The following DTNB variants were observed in gnomAD, a reference collection of about 807,000 sequenced individuals.
DTNB encodes DTN-B.
DTNB carries 63 observed loss-of-function variants against 90.7 expected under a neutral mutation model. The ratio of observed to expected loss-of-function variants is 0.69; its 90% CI spans 0.57 to 0.86. The LOEUF (loss-of-function observed/expected upper bound fraction) is 0.86. Among genes scored for constraint, DTNB ranks in the 40% least tolerant of loss-of-function variants. DTNB has a pLI of 0.00. For missense variants in DTNB, 744 were observed against 807.1 expected, an observed-to-expected ratio of 0.92 and a Z score of 0.95; for synonymous variants, 277 against 286.7, an observed-to-expected ratio of 0.97 and a Z score of 0.34.
chr2:25,383,778 C>T (rs1189935368), intron 19 of DTNB, 58 bp downstream of exon 19: 1 of 1,613,820 alleles, frequency 6.2e-7, no homozygotes, highest in East Asian at 2.2e-5. Context: ...TGGGGGGCGG[C>T]TGATCCATGA....
intron 15 of DTNB, among the ~76,000 whole-genome samples, chr2:25,420,436 A>G (rs1373272525): frequency 6.6e-6 from 1 of 151,958 alleles, no homozygotes; most frequent in African/African-American, 2.4e-5. Context: ...AAAGCACTGG[A>G]AACAAAGAAA....
At chr2:25,413,226 A>T (rs916294877) in intron 16 of DTNB, among the ~76,000 whole-genome samples, 2 of 151,926 alleles carry the variant, frequency 1.3e-5, no homozygotes, top group African/African-American at 4.8e-5. Flanking sequence ...ATTCCTTTTT[A>T]AAAAAATTAT....
chr2:25,387,174 G>T lies in DTNB; in HGVS notation c.1825+115C>A. The T allele has an allele frequency of 2.2e-6, 2 of 926,404 alleles. No homozygotes were observed. Among genetic ancestry groups the T allele is most frequent in the Non-Finnish European group, 3.3e-6 (2 of 612,108 alleles). The allele number at this position is 926,404 out of a possible 1,614,324, so 57.4% of individuals were successfully genotyped here. On this transcript the variant is annotated intron_variant, in intron 18 of 20. Coordinates refer to ENST00000406818, the MANE Select transcript of DTNB (RefSeq NM_021907.5). This position sits in a 1 kb window ranked among gnomAD's most constrained non-coding sequence, Gnocchi z 4.5. ...TTCCTAGAAGGCAAAGTTAGGTGATGAAATGGGGTGGTGCAAGCTGGGTGG... is the reference window on the plus strand; with the variant it reads ...TTCCTAGAAGGCAAAGTTAGGTGATTAAATGGGGTGGTGCAAGCTGGGTGG...
chr2:25,591,305 A>G (rs1573051433), intron 6 of DTNB, among the ~76,000 whole-genome samples: 1 of 152,176 alleles, frequency 6.6e-6, no homozygotes, highest in East Asian at 1.9e-4. Context: ...CACCCTGTCA[A>G]CTGAGAATAG....
intron 9 of DTNB, among the ~76,000 whole-genome samples, chr2:25,525,501 T>C (rs2076924600): frequency 6.6e-6 from 1 of 151,932 alleles, no homozygotes; most frequent in Non-Finnish European, 1.5e-5. Context: ...CTGGGGGTGG[T>C]GGCACATGCC....
chr2:25,617,908 G>T (rs1438475493), intron 4 of DTNB, among the ~76,000 whole-genome samples: 1 of 152,092 alleles, frequency 6.6e-6, no homozygotes, highest in African/African-American at 2.4e-5. Flanking sequence ...ACTTATTAAA[G>T]ATACCTACTT....
At chr2:25,630,516 C>T (rs1166129954) in intron 3 of DTNB, among the ~76,000 whole-genome samples, 1 of 152,106 alleles carries the variant, frequency 6.6e-6, no homozygotes, top group Non-Finnish European at 1.5e-5. Context: ...GTGGCATATG[C>T]ATATAATGGA....
chr2:25,609,511 T>C (rs979560980), intron 4 of DTNB, among the ~76,000 whole-genome samples: 2 of 150,996 alleles, frequency 1.3e-5, no homozygotes, highest in African/African-American at 4.9e-5. Flanking sequence ...GGCAGGAAAA[T>C]TGCTTGAACC....
At chr2:25,386,754 G>A (rs1558295310) in intron 18 of DTNB, among the ~76,000 whole-genome samples, 2 of 152,220 alleles carry the variant, frequency 1.3e-5, no homozygotes, top group East Asian at 1.9e-4. Flanking sequence ...AACACAAGGA[G>A]CAGAAGAGGC....
intron 3 of DTNB, among the ~76,000 whole-genome samples, chr2:25,636,732 T>C (rs915441324): frequency 1.3e-5 from 2 of 152,160 alleles, no homozygotes; most frequent in African/African-American, 2.4e-5. Context: ...TAAGTTGCAT[T>C]CTAATATTTT....
At chr2:25,405,738 T>C (rs982536509) in intron 16 of DTNB, among the ~76,000 whole-genome samples, 2 of 152,126 alleles carry the variant, frequency 1.3e-5, no homozygotes, top group Non-Finnish European at 2.9e-5. Flanking sequence ...TACTGTCTAA[T>C]CTTTTAAGAA....
chr2:25,489,973 GA>G (rs2067016711), intron 9 of DTNB, among the ~76,000 whole-genome samples: 1 of 152,112 alleles, frequency 6.6e-6, no homozygotes, highest in South Asian at 2.1e-4. Context: ...TGACTCAAAA[GA>G]AATTTAATTA....
At chr2:25,586,774 C>G (rs1002611811) in intron 6 of DTNB, among the ~76,000 whole-genome samples, 74 of 152,062 alleles carry the variant, frequency 4.9e-4, no homozygotes, top group African/African-American at 1.7e-3. Context: ...GGAGGAGAGA[C>G]AGAAAGTCAG....
chr2:25,535,606 G>A (rs1272524710), intron 8 of DTNB, among the ~76,000 whole-genome samples: 10 of 144,184 alleles, frequency 6.9e-5, no homozygotes, highest in South Asian at 2.2e-4. Flanking sequence ...CTTCCTAGAC[G>A]GGGTGGCAGC....
At chr2:25,553,284 G>C (rs1184898238) in intron 8 of DTNB, among the ~76,000 whole-genome samples, 1 of 152,044 alleles carries the variant, frequency 6.6e-6, no homozygotes, top group Non-Finnish European at 1.5e-5. Context: ...TTTTATAAAA[G>C]GCTTCAAAAT....
intron 16 of DTNB, among the ~76,000 whole-genome samples, chr2:25,403,967 C>T (rs1318644426): frequency 2.0e-5 from 3 of 152,206 alleles, no homozygotes; most frequent in African/African-American, 7.2e-5. Context: ...CTGCCATTTA[C>T]TAGCTGTGTG....
chr2:25,436,649 C>A (rs1050622957), intron 12 of DTNB, among the ~76,000 whole-genome samples: 2 of 151,604 alleles, frequency 1.3e-5, no homozygotes, highest in African/African-American at 4.8e-5. Flanking sequence ...AAAAAAAAAA[C>A]CAAGATGATT....
chr2:25,607,260 C>T lies in DTNB; in HGVS notation c.424G>A (p.Gly142Arg), dbSNP rs1478442455. 1 of 1,605,916 alleles carries T rather than the reference C, an allele frequency of 6.2e-7. No homozygotes were observed. The highest frequency in any genetic ancestry group is 1.3e-5 in the African/African-American group (1 of 74,762). The change falls in exon 5 of 21, where the codon GGA becomes AGA. Residue 142 changes from glycine to arginine, a missense_variant. Transcript: ENST00000406818. ...VKAMLATMCG[G>R]KMLDKLRYVF... ...CATCTCAATTTGTCCAGCATTTTTC[C>T]ACCACACATGGTTGCTAACATAGCT...
chr2:25,416,925 G>T lies in DTNB; in HGVS notation c.1575+2590C>A, dbSNP rs149245780. Among the ~76,000 whole-genome samples the T allele has an allele frequency of 2.6e-3, 402 of 152,028 alleles. 2 individuals carry two copies. The highest frequency in any genetic ancestry group is 3.9e-3 in the Non-Finnish European group (266 of 67,962). On this transcript the variant is annotated intron_variant, in intron 16 of 20. Coordinates refer to ENST00000406818, the MANE Select transcript of DTNB (RefSeq NM_021907.5). ...TTGGCCTGTCACTCAATAATGGTGGGGATTAAACAGAAGCTAGTTCTAAAG... is the reference window on the plus strand; with the variant it reads ...TTGGCCTGTCACTCAATAATGGTGGTGATTAAACAGAAGCTAGTTCTAAAG...
Sources: allele counts gnomAD v4.1 joint callset (sites outside exome capture counted in the v4.1 genomes callset), GRCh38; gene constraint gnomAD v4.1.1; non-coding constraint Gnocchi (gnomAD v3.1); transcripts MANE v1.5; gene names NCBI Gene and HGNC (gene_info 2026-07-23, HGNC 2026-07-21).